RAP1A: variants seen among roughly 807,000 people sequenced by gnomAD.
The protein encoded by RAP1A is ras-related protein Rap-1A.
Under a neutral mutation model 26.4 loss-of-function variants are expected in RAP1A, and 6 were observed. The ratio of observed to expected loss-of-function variants is 0.23; its 90% confidence interval spans 0.12 to 0.45. RAP1A has a LOEUF of 0.45. Among genes scored for constraint, RAP1A ranks in the 20% least tolerant of loss-of-function variants. The probability of loss-of-function intolerance (pLI) is 0.99; values close to 1 mark genes in which losing one functional copy is unlikely to be tolerated. For missense variants in RAP1A, 121 were observed against 217.2 expected (o/e 0.56, Z 2.78); for synonymous variants, 73 against 79.4 (o/e 0.92, Z 0.43).
intron 1 of RAP1A, chr1:111,604,425 A>G (rs909596180): frequency 6.6e-6 from 1 of 151,340 alleles, no homozygotes; most frequent in East Asian, 1.9e-4. Context: ...TTGTGAGGGG[A>G]CTCCCCATTA....
intron 1 of RAP1A, among the ~76,000 whole-genome samples, chr1:111,577,235 C>T (rs1489156298): frequency 6.6e-6 from 1 of 151,560 alleles, no homozygotes; most frequent in African/African-American, 2.4e-5. Flanking sequence ...AAACCCTGTC[C>T]GTACTAAAAA....
chr1:111,704,291 G>T (rs1246492847), intron 5 of RAP1A, 52 bp from the exon 6 acceptor site: 2 of 1,564,960 alleles, frequency 1.3e-6, no homozygotes, highest in Admixed American at 1.8e-5. Flanking sequence ...TTTTTTAAAA[G>T]GCTAAGTAAT....
chr1:111,707,461 A>C (rs1662230978), intron 6 of RAP1A, among the ~76,000 whole-genome samples: 1 of 152,212 alleles, frequency 6.6e-6, no homozygotes, highest in Admixed American at 6.5e-5. Flanking sequence ...TGTTTACAGA[A>C]ATTACACTTC....
intron 1 of RAP1A, among the ~76,000 whole-genome samples, chr1:111,630,053 C>G (rs1358996006): frequency 6.6e-6 from 1 of 152,152 alleles, no homozygotes; most frequent in Admixed American, 6.5e-5. Flanking sequence ...AACTTGCTTG[C>G]ATCTTGACAG....
chr1:111,567,919 T>C (rs1043370600), intron 1 of RAP1A, among the ~76,000 whole-genome samples: 8 of 152,212 alleles, frequency 5.3e-5, no homozygotes, highest in African/African-American at 1.9e-4. Flanking sequence ...ACCCAGTCTG[T>C]GGTACTTTGT....
chr1:111,691,541 C>T (rs1009567682), intron 2 of RAP1A, 124 bp downstream of exon 2: 18 of 784,756 alleles, frequency 2.3e-5, no homozygotes, highest in Non-Finnish European at 3.6e-5. Context: ...GATATCTGTC[C>T]CACAAAGGAC....
intron 1 of RAP1A, among the ~76,000 whole-genome samples, chr1:111,549,565 G>A (rs113841441): frequency 0.33 from 49,432 of 150,514 alleles, 9,282 homozygotes; most frequent in Non-Finnish European, 0.43. Flanking sequence ...CAGGAGAATC[G>A]CTTGAACTGA....
chr1:111,572,301 C>T (rs1474577760), intron 1 of RAP1A, among the ~76,000 whole-genome samples: 8 of 152,262 alleles, frequency 5.3e-5, no homozygotes, highest in African/African-American at 1.9e-4. Context: ...GCCTGGGCCA[C>T]CCCACAGCTT....
intron 1 of RAP1A, among the ~76,000 whole-genome samples, chr1:111,583,876 CTTTTT>C (rs71099920): frequency 1.1e-5 from 1 of 90,096 alleles, no homozygotes. Flanking sequence ...ATTGTTATTT[CTTTTT>C]TTTTTTTTTT....
intron 1 of RAP1A, among the ~76,000 whole-genome samples, chr1:111,690,141 C>T (rs545418829): frequency 6.0e-4 from 91 of 152,198 alleles, no homozygotes; most frequent in African/African-American, 2.1e-3. Context: ...CAACTCCATC[C>T]TTTTGAGCCT....
chr1:111,555,226 T>C (rs12029298), intron 1 of RAP1A, among the ~76,000 whole-genome samples: 1 of 150,618 alleles, frequency 6.6e-6, no homozygotes. Flanking sequence ...ACTAGCTGAG[T>C]GTGGTGGTGC....
intron 1 of RAP1A, among the ~76,000 whole-genome samples, chr1:111,548,831 A>G (rs1657137523): frequency 1.3e-5 from 2 of 152,140 alleles, no homozygotes; most frequent in South Asian, 4.1e-4. Context: ...CTTCACTACA[A>G]ATGTGATGTT....
intron 1 of RAP1A, among the ~76,000 whole-genome samples, chr1:111,550,120 G>C (rs1457694259): frequency 9.2e-5 from 14 of 152,090 alleles, no homozygotes; most frequent in Non-Finnish European, 1.5e-5. Flanking sequence ...TCATGCAATT[G>C]CTCATAGTAT....
At chr1:111,696,043 C>T (rs987611361) in intron 3 of RAP1A, among the ~76,000 whole-genome samples, 3 of 152,086 alleles carry the variant, frequency 2.0e-5, no homozygotes, top group African/African-American at 7.2e-5. Context: ...TGTGGGAAAT[C>T]TCTGCACCTT....
chr1:111,567,966 C>A (rs557271619), intron 1 of RAP1A, among the ~76,000 whole-genome samples: 10 of 152,312 alleles, frequency 6.6e-5, no homozygotes, highest in African/African-American at 2.4e-4. Flanking sequence ...GATCTTTAGA[C>A]AAACATGGTC....
intron 1 of RAP1A, among the ~76,000 whole-genome samples, chr1:111,607,873 C>T (rs1658829419): frequency 8.2e-6 from 1 of 121,664 alleles, no homozygotes; most frequent in Non-Finnish European, 1.7e-5. Flanking sequence ...GGCCTGACCC[C>T]CCCCACCTCC....
At chr1:111,560,655 A>T (rs1657699685) in intron 1 of RAP1A, among the ~76,000 whole-genome samples, 2 of 151,350 alleles carry the variant, frequency 1.3e-5, no homozygotes, top group South Asian at 4.2e-4. Context: ...CATCCAGCTA[A>T]TTTTTTTTCC....
intron 4 of RAP1A, among the ~76,000 whole-genome samples, chr1:111,698,340 T>G (rs1179793819): frequency 3.3e-5 from 5 of 152,122 alleles, no homozygotes; most frequent in Admixed American, 3.3e-4. Flanking sequence ...AGTGGTGCAA[T>G]CATAGTTCAC....
rs911427410 is a variant in RAP1A, at chr1:111,619,929, G to C, written c.-33G>C. On this transcript the variant is annotated 5_prime_UTR_variant, in exon 1 of 8. Transcript: ENST00000369709. ...GAGGAGGTGGAGGAGGCGCCGGACC[G>C]GGGGGGTGAGTAAGGGGCGGGGAGC... 12 of 395,502 alleles carry C rather than the reference G, an allele frequency of 3.0e-5. No individual in the cohort carries two copies. Among genetic ancestry groups the C allele is most frequent in the Admixed American group, 1.3e-4 (3 of 22,422 alleles). 24.5% of individuals were successfully genotyped at this position (395,502 alleles called of 1,614,324 possible). A position where few individuals can be genotyped will look rare whatever the true frequency, so the allele number is the denominator to read the frequency against.
Sources: allele counts gnomAD v4.1 joint callset (sites outside exome capture counted in the v4.1 genomes callset), GRCh38; gene constraint gnomAD v4.1.1; transcripts MANE v1.5; gene names NCBI Gene and HGNC (gene_info 2026-07-23, HGNC 2026-07-21).